The following STK3 variants were observed in gnomAD, a reference collection of about 807,000 sequenced individuals.
STK3 encodes serine/threonine-protein kinase 3.
A neutral mutation model predicts 58.0 loss-of-function variants in STK3; 41 were observed. That is an observed-to-expected ratio of 0.71 (90% CI 0.55 to 0.92). The LOEUF is 0.92. Among genes scored for constraint, STK3 ranks in the 40% least tolerant of loss-of-function variants. The pLI, the probability that STK3 is intolerant of heterozygous loss-of-function variation, is 0.00. For missense variants in STK3, 479 were observed against 602.7 expected (o/e 0.79, Z 2.15); for synonymous variants, 170 against 191.0 (o/e 0.89, Z 0.91).
chr8:98,572,086 T>C (rs1248916021), intron 8 of STK3, among the ~76,000 whole-genome samples: 1 of 152,234 alleles, frequency 6.6e-6, no homozygotes, highest in Non-Finnish European at 1.5e-5. Context: ...ACTCTTTTAC[T>C]GTATAAATAT....
At chr8:98,430,298 A>T (rs1462050524) in intron 3 of STK3, 2 of 167,092 alleles carry the variant, frequency 1.2e-5, no homozygotes, top group Admixed American at 1.3e-4. Flanking sequence ...TTTCTGATCT[A>T]GGCCATTTGA....
chr8:98,500,050 A>C lies in STK3; in HGVS notation c.1317+26692T>G, dbSNP rs376954192. Among the ~76,000 whole-genome samples the C allele has an allele frequency of 2.6e-5, 4 of 152,086 alleles. No individual in the cohort carries two copies. The South Asian group carries it at 8.3e-4, about 32-fold the overall frequency. ...GGCAAAGACTTTGCAAGTGTGATTAACTTAAGCATCTTGAGATATGGAGAT... is the reference window on the plus strand; with the variant it reads ...GGCAAAGACTTTGCAAGTGTGATTACCTTAAGCATCTTGAGATATGGAGAT... On this transcript the variant is annotated intron_variant, in intron 10 of 10. Coordinates refer to ENST00000419617, the MANE Select transcript of STK3 (RefSeq NM_006281.4).
chr8:98,693,562 G>A (rs924618043), intron 6 of STK3, among the ~76,000 whole-genome samples: 5 of 151,982 alleles, frequency 3.3e-5, no homozygotes, highest in Non-Finnish European at 7.4e-5. Context: ...GCCCCTTGAG[G>A]GAGTACAGTC....
At chr8:98,429,211 A>G (rs1335226773) in intron 3 of STK3, 2 of 1,613,958 alleles carry the variant, frequency 1.2e-6, no homozygotes, top group East Asian at 2.2e-5. Flanking sequence ...TTGATCTTCA[A>G]TAAGTTCTCC....
intron 8 of STK3, among the ~76,000 whole-genome samples, chr8:98,554,510 T>C (rs1003419972): frequency 5.9e-5 from 9 of 152,146 alleles, no homozygotes; most frequent in Admixed American, 1.3e-4. Flanking sequence ...ACAATTGGCT[T>C]AGATAAAATT....
the STK3 span, among the ~76,000 whole-genome samples, chr8:98,350,739 C>T: frequency 2.0e-5 from 3 of 152,186 alleles, no homozygotes; most frequent in Admixed American, 2.0e-4. Flanking sequence ...ATAATCAGAT[C>T]TTGTGAGACT....
At chr8:98,668,336 T>C (rs1822529406) in intron 6 of STK3, among the ~76,000 whole-genome samples, 1 of 152,184 alleles carries the variant, frequency 6.6e-6, no homozygotes, top group Admixed American at 6.5e-5. Flanking sequence ...ATCTTGACTG[T>C]GAATAATCAA....
chr8:98,471,523 G>A (rs1820917956), intron 10 of STK3, among the ~76,000 whole-genome samples: 1 of 151,722 alleles, frequency 6.6e-6, no homozygotes, highest in Admixed American at 6.6e-5. Flanking sequence ...CCTTCAGTTG[G>A]GCAAAATCAT....
At chr8:98,830,320 A>G (rs1283143185), upstream of STK3, among the ~76,000 whole-genome samples, 1 of 152,202 alleles carries the variant, frequency 6.6e-6, no homozygotes, top group Non-Finnish European at 1.5e-5. Context: ...AGAGTGACTA[A>G]GGAAGTGGAG....
chr8:98,651,883 A>G (rs939550619), intron 6 of STK3, among the ~76,000 whole-genome samples: 6 of 152,214 alleles, frequency 3.9e-5, no homozygotes, highest in African/African-American at 1.4e-4. Flanking sequence ...GACAGGGAGA[A>G]TGGAACCAAG....
chr8:98,863,655 C>T (rs944031930), intron 3 of STK3, among the ~76,000 whole-genome samples: 6 of 152,138 alleles, frequency 3.9e-5, no homozygotes, highest in African/African-American at 1.4e-4. Flanking sequence ...ATGAAAACAA[C>T]CCATTACCAT....
intron 8 of STK3, among the ~76,000 whole-genome samples, chr8:98,556,190 C>T (rs1355730133): frequency 6.6e-6 from 1 of 152,048 alleles, no homozygotes; most frequent in African/African-American, 2.4e-5. Context: ...TTCAATTTTA[C>T]ATCACTCACA....
chr8:98,624,320 G>A (rs763170626), intron 6 of STK3, among the ~76,000 whole-genome samples: 10 of 152,172 alleles, frequency 6.6e-5, no homozygotes, highest in Non-Finnish European at 2.9e-5. Flanking sequence ...CTCTATCAGT[G>A]TAGCTGTGTC....
chr8:98,596,991 A>G (rs1185469039), intron 6 of STK3, among the ~76,000 whole-genome samples: 2 of 152,166 alleles, frequency 1.3e-5, no homozygotes, highest in Admixed American at 1.3e-4. Flanking sequence ...TCAAACTAGA[A>G]TAGTATCTAC....
At chr8:98,745,688 T>G (rs957710546) in intron 4 of STK3, among the ~76,000 whole-genome samples, 4 of 151,982 alleles carry the variant, frequency 2.6e-5, no homozygotes, top group African/African-American at 9.7e-5. Flanking sequence ...TTGACTGACT[T>G]ACAAGATGAG....
chr8:98,471,351 C>T (rs1410731658), intron 10 of STK3, among the ~76,000 whole-genome samples: 1 of 149,266 alleles, frequency 6.7e-6, no homozygotes, highest in Non-Finnish European at 1.5e-5. Context: ...TGGTTTTTTT[C>T]CTTTTCTTTT....
chr8:98,721,521 T>A (rs1827428215), intron 4 of STK3, among the ~76,000 whole-genome samples: 3 of 151,660 alleles, frequency 2.0e-5, no homozygotes, highest in Admixed American at 6.6e-5. Flanking sequence ...ACTAAATAAA[T>A]TTTTAAAAAG....
At chr8:98,694,506 G>A (rs555491429) in intron 6 of STK3, among the ~76,000 whole-genome samples, 4 of 151,716 alleles carry the variant, frequency 2.6e-5, no homozygotes, top group South Asian at 2.1e-4. Context: ...CCCACTCCCC[G>A]CACCCCAGAA....
intron 1 of STK3, among the ~76,000 whole-genome samples, chr8:98,903,236 C>T (rs1838726034): frequency 6.6e-6 from 1 of 152,184 alleles, no homozygotes. Flanking sequence ...TTGCTTATAT[C>T]ATATATGCCT....
Sources: gnomAD v4.1 joint callset for allele counts (sites outside exome capture counted in the v4.1 genomes callset) on GRCh38, gnomAD v4.1.1 for gene constraint, MANE v1.5 for transcripts, NCBI Gene and HGNC (gene_info 2026-07-23, HGNC 2026-07-21) for gene names.